The following RTN3 variants were observed in gnomAD, a reference collection of about 807,000 sequenced individuals.
RTN3 encodes the protein reticulon 3, also known as reticulon-3.
In RTN3, 49 loss-of-function variants were observed where a neutral mutation model predicts 77.8. That is an observed-to-expected ratio of 0.63 (90% confidence interval 0.50 to 0.80). The LOEUF is 0.80. Among genes scored for constraint, RTN3 ranks in the 30% least tolerant of loss-of-function variants. The pLI, the probability that RTN3 is intolerant of heterozygous loss-of-function variation, is 0.00. For missense variants in RTN3, 1,236 were observed against 1,211.9 expected, an observed-to-expected ratio of 1.02 and a Z score of -0.29; for synonymous variants, 464 against 446.9, an observed-to-expected ratio of 1.04 and a Z score of -0.48.
chr11:63,755,375 G>T (rs1363511443), intron 7 of RTN3, among the ~76,000 whole-genome samples: 1 of 152,152 alleles, frequency 6.6e-6, no homozygotes, highest in East Asian at 1.9e-4. Context: ...GCTAGGTGTG[G>T]TGGCTCATGT....
intron 3 of RTN3, among the ~76,000 whole-genome samples, chr11:63,737,875 A>G (rs986069547): frequency 2.0e-5 from 3 of 152,192 alleles, no homozygotes; most frequent in Non-Finnish European, 2.9e-5. Flanking sequence ...GGCCAAAAGT[A>G]TGTGTGTCTG....
chr11:63,689,146 ATAAC>A (rs924165761), intron 1 of RTN3, among the ~76,000 whole-genome samples: 5 of 152,194 alleles, frequency 3.3e-5, no homozygotes, highest in Non-Finnish European at 5.9e-5. Context: ...ATTTTGTAGT[ATAAC>A]TTTTTCTCTT....
intron 1 of RTN3, among the ~76,000 whole-genome samples, chr11:63,698,993 A>G (rs977360972): frequency 3.3e-5 from 5 of 152,214 alleles, no homozygotes; most frequent in Admixed American, 1.3e-4. Context: ...AGTTAATAAT[A>G]TAAGGGATTC....
chr11:63,708,883 T>C (rs1261487634), intron 2 of RTN3, among the ~76,000 whole-genome samples: 1 of 152,202 alleles, frequency 6.6e-6, no homozygotes, highest in East Asian at 1.9e-4. Flanking sequence ...TCATAAAACA[T>C]ACAAAGATAT....
intron 2 of RTN3, chr11:63,714,319 A>G (rs1350556296): frequency 1.3e-5 from 4 of 319,614 alleles, no homozygotes; most frequent in East Asian, 1.6e-4. Context: ...GCATCTCACA[A>G]TCACTGAGAA....
At chr11:63,712,481 T>A (rs2011185680) in intron 2 of RTN3, among the ~76,000 whole-genome samples, 1 of 123,296 alleles carries the variant, frequency 8.1e-6, no homozygotes, top group African/African-American at 3.0e-5. Context: ...TAAAGGACTT[T>A]GATTTTTTTT....
chr11:63,752,693 C>A (rs774416448), intron 5 of RTN3, 48 bp downstream of exon 5: 2 of 1,593,332 alleles, frequency 1.3e-6, no homozygotes, highest in Admixed American at 3.4e-5. Flanking sequence ...AAAGCAGGGA[C>A]TGGGTTATAA....
chr11:63,753,308 A>G (rs1484932811), intron 6 of RTN3, among the ~76,000 whole-genome samples, 170 bp downstream of exon 6: 1 of 152,242 alleles, frequency 6.6e-6, no homozygotes, highest in African/African-American at 2.4e-5. Flanking sequence ...CAGGTTTATG[A>G]AATGGTCTCA....
Position 63,718,898 on chromosome 11 carries a change from G to A in RTN3, c.396G>A (p.Lys132=). 6.2e-7 allele frequency: 1 copy of A among 1,614,082 alleles called. No homozygotes were observed. Among genetic ancestry groups the A allele is most frequent in the Non-Finnish European group, 8.5e-7 (1 of 1,180,008 alleles). ...LDLLDMKKME[K]PQGTSNNVSD... ...TTCTAGATATGAAAAAGATGGAAAA[G>A]CCTCAGGGGACCAGCAACAACGTAT... Residue 132 remains lysine (K), a synonymous_variant, in exon 3 of 9, where the codon AAG becomes AAA. Coordinates refer to ENST00000377819, the MANE Select transcript of RTN3 (RefSeq NM_001265589.2).
At chr11:63,755,038 T>C (rs1182522986) in intron 7 of RTN3, among the ~76,000 whole-genome samples, 1 of 151,796 alleles carries the variant, frequency 6.6e-6, no homozygotes, top group Non-Finnish European at 1.5e-5. Flanking sequence ...TTTGCATTGT[T>C]GGATGATGTG....
At chr11:63,700,527 A>G (rs1590798674) in intron 1 of RTN3, among the ~76,000 whole-genome samples, 1 of 150,494 alleles carries the variant, frequency 6.6e-6, no homozygotes, top group Non-Finnish European at 1.5e-5. Context: ...CAAGCGGTCC[A>G]CCTGCCTCAG....
intron 3 of RTN3, among the ~76,000 whole-genome samples, chr11:63,743,163 A>T (rs765892310): frequency 6.6e-6 from 1 of 152,182 alleles, no homozygotes; most frequent in Non-Finnish European, 1.5e-5. Context: ...GGCCTCCCAA[A>T]GTGCTGGGAT....
chr11:63,757,745 G>A (rs1480236996), intron 8 of RTN3, among the ~76,000 whole-genome samples: 2 of 138,920 alleles, frequency 1.4e-5, no homozygotes, highest in Admixed American at 1.5e-4. Flanking sequence ...TTTTTGAGAT[G>A]GAGTCTCGCT....
Position 63,752,712 on chromosome 11 carries a change from A to G in RTN3, c.2877+67A>G, listed in dbSNP as rs2014170720. The stretch of plus-strand genomic sequence containing the variant: ...CAGGGACTGGGTTATAATTTGGAGG[A>G]AAAACAGTACATAGGATTTTATCAG... On this transcript the variant is annotated intron_variant, in intron 5 of 8. Transcript: ENST00000377819. The G allele has an allele frequency of 5.3e-6, 8 of 1,518,840 alleles. No individual in the cohort carries two copies. In the South Asian group the frequency reaches 9.1e-5, roughly 17 times the overall value. The allele number at this position is 1,518,840 out of a possible 1,614,324, so 94.1% of individuals were successfully genotyped here. A position where few individuals can be genotyped will look rare whatever the true frequency, so the allele number is the denominator to read the frequency against.
At chr11:63,718,034 T>G (rs1449423388) in intron 2 of RTN3, among the ~76,000 whole-genome samples, 2 of 150,696 alleles carry the variant, frequency 1.3e-5, no homozygotes, top group Non-Finnish European at 3.0e-5. Context: ...AAAAAAAAGA[T>G]TTTGGAGGGG....
intron 3 of RTN3, among the ~76,000 whole-genome samples, chr11:63,723,372 A>G (rs1049218383): frequency 9.2e-5 from 14 of 151,992 alleles, no homozygotes; most frequent in Non-Finnish European, 1.9e-4. Context: ...AAAAACATAA[A>G]CCATTTCAGT....
At chr11:63,689,741 AT>A (rs1396464308) in intron 1 of RTN3, among the ~76,000 whole-genome samples, 206 of 143,356 alleles carry the variant, frequency 1.4e-3, no homozygotes, top group Non-Finnish European at 1.2e-3. Context: ...GTGATTTTTG[AT>A]TTTTTTTTTT....
intron 3 of RTN3, among the ~76,000 whole-genome samples, chr11:63,748,934 C>T (rs2013954125): frequency 6.6e-6 from 1 of 151,988 alleles, no homozygotes; most frequent in Non-Finnish European, 1.5e-5. Flanking sequence ...TCCCAAAGTG[C>T]CAGGATTACA....
chr11:63,733,080 C>T (rs1170558362), intron 3 of RTN3, among the ~76,000 whole-genome samples: 2 of 151,814 alleles, frequency 1.3e-5, no homozygotes, highest in Admixed American at 6.6e-5. Context: ...TTTGGGAGGC[C>T]GAGGCAGGTG....
Sources: allele counts gnomAD v4.1 joint callset (sites outside exome capture counted in the v4.1 genomes callset), GRCh38; gene constraint gnomAD v4.1.1; transcripts MANE v1.5; gene names NCBI Gene and HGNC (gene_info 2026-07-23, HGNC 2026-07-21).